The following STK24 variants were observed in gnomAD, a reference collection of about 807,000 sequenced individuals.
STK24 encodes the protein serine/threonine kinase 24, also known as serine/threonine-protein kinase 24.
Under a neutral mutation model 55.6 loss-of-function variants are expected in STK24, and 21 were observed. The observed-to-expected ratio is 0.38, with a 90% CI of 0.27 to 0.54. STK24 has a LOEUF of 0.54. Ranked by LOEUF, STK24 falls within the 20% of genes least tolerant of loss-of-function variation. STK24 has a pLI of 0.79. For missense variants in STK24, 383 were observed against 538.4 expected, an observed-to-expected ratio of 0.71 and a Z score of 2.86; for synonymous variants, 200 against 215.2, an observed-to-expected ratio of 0.93 and a Z score of 0.62.
In STK24 at chr13:98,464,905, T is replaced by C. The variant is rs78189560; in HGVS notation, c.784-1069A>G. 6.0e-3 allele frequency among the ~76,000 whole-genome samples: 918 copies of C among 152,324 alleles called. 6 individuals are homozygous for C. Among genetic ancestry groups the C allele is most frequent in the African/African-American group, 0.021 (876 of 41,586 alleles). On this transcript the variant is annotated intron_variant, in intron 6 of 10. Transcript: ENST00000539966. Reference sequence around the variant, plus strand: ...GGAAAGGAGCCAGGAGATCCCCTTTTTCCTGTCTGCTGAAAGAGCAACTGG... The same window carrying C: ...GGAAAGGAGCCAGGAGATCCCCTTTCTCCTGTCTGCTGAAAGAGCAACTGG...
At chr13:98,489,496 C>T (rs1261540614) in intron 2 of STK24, among the ~76,000 whole-genome samples, 2 of 152,192 alleles carry the variant, frequency 1.3e-5, no homozygotes, top group Non-Finnish European at 2.9e-5. Context: ...TGAGGGGGAA[C>T]GCAGAGTGAG....
intron 2 of STK24, among the ~76,000 whole-genome samples, chr13:98,489,580 G>A (rs185440140): frequency 9.2e-4 from 140 of 152,342 alleles, no homozygotes; most frequent in African/African-American, 3.2e-3. Context: ...CAGACAGCCA[G>A]TGGCAGATGC....
chr13:98,464,733 G>A (rs1469925010), intron 6 of STK24, among the ~76,000 whole-genome samples: 1 of 151,912 alleles, frequency 6.6e-6, no homozygotes, highest in Non-Finnish European at 1.5e-5. Context: ...CTGACCTCAG[G>A]TGATGCACCT....
chr13:98,527,232 T>C (rs1202798976), intron 1 of STK24, among the ~76,000 whole-genome samples: 2 of 152,120 alleles, frequency 1.3e-5, no homozygotes, highest in African/African-American at 4.8e-5. Flanking sequence ...TCCCAGCACC[T>C]TGGGAGGCCC....
intron 5 of STK24, among the ~76,000 whole-genome samples, chr13:98,474,551 C>T (rs993928623): frequency 3.9e-5 from 6 of 152,166 alleles, no homozygotes; most frequent in African/African-American, 1.2e-4. Flanking sequence ...CCTCCAAACC[C>T]GCTCCATCCT....
Position 98,446,393 on chromosome 13 carries a change from C to T in STK24, c.*6780G>A, listed in dbSNP as rs1346770988. The T allele has an allele frequency of 2.0e-4, 121 of 601,252 alleles. 3 individuals carry two copies. In the South Asian group the frequency reaches 2.4e-3, roughly 12 times the overall value. The allele number at this position is 601,252 out of a possible 1,614,324, so 37.2% of individuals were successfully genotyped here. ...TCTAGGGAAGACTGACATTATCATCCACTGAAGGACAACTTCTGCCCTAGG... is the reference window on the plus strand; with the variant it reads ...TCTAGGGAAGACTGACATTATCATCTACTGAAGGACAACTTCTGCCCTAGG... On this transcript the variant is annotated 3_prime_UTR_variant, in exon 11 of 11. Coordinates refer to ENST00000539966, the MANE Select transcript of STK24 (RefSeq NM_001032296.4).
At chr13:98,558,148 T>C (rs1335835596) in intron 1 of STK24, among the ~76,000 whole-genome samples, 1 of 152,224 alleles carries the variant, frequency 6.6e-6, no homozygotes. Context: ...CTAATCCCAA[T>C]GCCAGCACTG....
chr13:98,518,349 A>G (rs1488037088), intron 2 of STK24, among the ~76,000 whole-genome samples: 2 of 152,236 alleles, frequency 1.3e-5, no homozygotes, highest in Admixed American at 1.3e-4. Flanking sequence ...TTTAGAGGGT[A>G]AGGCCAGGGG....
At position 98,449,772 on chromosome 13, in the gene STK24, A is replaced by AACTT. The variant is rs1303279153; in HGVS notation, c.*3397_*3400dup. ...ATTGATGTTTTAAGGCAAAACAACC[A>AACTT]ACTTTGTCTGTAGTCTTCATTTTCT... On this transcript the variant is annotated 3_prime_UTR_variant, in exon 11 of 11. Transcript: ENST00000539966. 1.3e-5 allele frequency: 2 copies of AACTT among 149,970 alleles called. No homozygotes were observed. Among genetic ancestry groups the AACTT allele is most frequent in the African/African-American group, 2.5e-5 (1 of 40,804 alleles). 9.3% of individuals were successfully genotyped at this position (149,970 alleles called of 1,614,324 possible).
At chr13:98,522,967 T>G (rs1193069427) in intron 1 of STK24, among the ~76,000 whole-genome samples, 1 of 152,190 alleles carries the variant, frequency 6.6e-6, no homozygotes, top group African/African-American at 2.4e-5. Flanking sequence ...GAGAGCCGGT[T>G]AGCACTGTCA....
chr13:98,497,031 A>G (rs1477327956), intron 2 of STK24, among the ~76,000 whole-genome samples: 1 of 152,174 alleles, frequency 6.6e-6, no homozygotes, highest in Admixed American at 6.5e-5. Flanking sequence ...CATTTCTAGG[A>G]GCAAGAAACC....
intron 1 of STK24, among the ~76,000 whole-genome samples, chr13:98,543,505 T>C (rs533313780): frequency 1.3e-5 from 2 of 152,096 alleles, no homozygotes; most frequent in South Asian, 2.1e-4. Flanking sequence ...CTACGAAAGG[T>C]CAAACAGCTG....
At chr13:98,494,161 T>C (rs78691449) in intron 2 of STK24, among the ~76,000 whole-genome samples, 3 of 141,020 alleles carry the variant, frequency 2.1e-5, no homozygotes, top group Non-Finnish European at 4.6e-5. Flanking sequence ...CCTGTAATCC[T>C]AGCACTTTGG....
chr13:98,449,415 C>T lies in STK24; in HGVS notation c.*3758G>A, dbSNP rs1893074406. 1 of 152,164 alleles carries T rather than the reference C, an allele frequency of 6.6e-6. No homozygotes were observed. The highest frequency in any genetic ancestry group is 6.5e-5 in the Admixed American group (1 of 15,280). The allele number at this position is 152,164 out of a possible 1,614,324, so 9.4% of individuals were successfully genotyped here. ...CGGTTTCCAGTGGCTTTGGCCCCTA[C>T]TCGGGAAACGTCTGCCTGTTCTCGA... is the stretch of plus-strand genomic sequence containing the variant. On this transcript the variant is annotated 3_prime_UTR_variant, in exon 11 of 11. Coordinates refer to ENST00000539966, the MANE Select transcript of STK24 (RefSeq NM_001032296.4).
intron 2 of STK24, among the ~76,000 whole-genome samples, chr13:98,513,729 C>T (rs1895962167): frequency 6.6e-6 from 1 of 152,202 alleles, no homozygotes; most frequent in African/African-American, 2.4e-5. Context: ...AAAATAGTAT[C>T]TCATTTTCAC....
chr13:98,446,958 C>A lies in STK24; in HGVS notation c.*6215G>T, dbSNP rs750665593. The A allele has an allele frequency of 1.2e-6, 1 of 832,576 alleles. No individual in the cohort carries two copies. Among genetic ancestry groups the A allele is most frequent in the Non-Finnish European group, 1.9e-6 (1 of 529,738 alleles). 51.6% of individuals were successfully genotyped at this position (832,576 alleles called of 1,614,324 possible). ...CGTTTAGACCTGGGGTCCCACTGCC[C>A]GACACCAGCAGGCGATTCTGTTCTC... On this transcript the variant is annotated 3_prime_UTR_variant, in exon 11 of 11. Transcript: ENST00000539966.
Position 98,476,952 on chromosome 13 carries a change from A to G in STK24, c.331-1594T>C, listed in dbSNP as rs528386214. Among the ~76,000 whole-genome samples the G allele has an allele frequency of 3.9e-5, 6 of 152,326 alleles. No individual in the cohort carries two copies. The South Asian group carries it at 1.0e-3, about 26-fold the overall frequency. ...TGCAGAGAATGCACTTGTCGCTTTT[A>G]GTTTGACCGCACACATATGCTCAGA... On this transcript the variant is annotated intron_variant, in intron 3 of 10. Coordinates refer to ENST00000539966, the MANE Select transcript of STK24 (RefSeq NM_001032296.4).
intron 2 of STK24, among the ~76,000 whole-genome samples, chr13:98,516,235 T>C (rs964265374): frequency 6.6e-5 from 10 of 152,220 alleles, no homozygotes; most frequent in East Asian, 5.8e-4. Flanking sequence ...AATAAGACAA[T>C]TGTCCTTCAC....
At chr13:98,482,440 C>A in intron 2 of STK24, 119 bp from the exon 3 acceptor site, 1 of 587,976 alleles carries the variant, frequency 1.7e-6, no homozygotes, top group Non-Finnish European at 3.0e-6. Context: ...CAAACATGTA[C>A]CAGCACGGGA....
Sources: gnomAD v4.1 joint callset for allele counts (sites outside exome capture counted in the v4.1 genomes callset) on GRCh38, gnomAD v4.1.1 for gene constraint, MANE v1.5 for transcripts, NCBI Gene and HGNC (gene_info 2026-07-23, HGNC 2026-07-21) for gene names.